The following GGACT variants were observed in gnomAD, a reference collection of about 807,000 sequenced individuals.
The protein encoded by GGACT is gamma-glutamylaminecyclotransferase.
For missense variants in GGACT, 241 were observed against 233.2 expected (o/e 1.03, Z -0.22); for synonymous variants, 118 against 115.3 (o/e 1.02, Z -0.15).
In GGACT at chr13:100,532,237, A is replaced by G; in HGVS notation, c.355T>C (p.Tyr119His). The change falls in exon 3 of 3, where the codon TAC becomes CAC. Residue 119 changes from tyrosine (Y) to histidine (H), a missense_variant. Transcript: ENST00000683975. ...PAPTAVQCFV[Y>H]SRATFPPEWA... ...TCCGGCGGGAAGGTGGCCCTGCTGT[A>G]CACGAAGCACTGCACCGCGGTGGGC... 32 of 1,505,914 alleles carry G rather than the reference A, an allele frequency of 2.1e-5. No individual in the cohort carries two copies. Among genetic ancestry groups the G allele is most frequent in the Non-Finnish European group, 2.9e-5 (32 of 1,120,924 alleles). The allele number at this position is 1,505,914 out of a possible 1,614,324, so 93.3% of individuals were successfully genotyped here. A position where few individuals can be genotyped will look rare whatever the true frequency, so the allele number is the denominator to read the frequency against.
chr13:100,532,325 C>G lies in GGACT; in HGVS notation c.267G>C (p.Gln89His). The change falls in exon 3 of 3, where the codon CAG becomes CAC. Residue 89 changes from glutamine (Q) to histidine (H), a missense_variant. Coordinates refer to ENST00000683975, the MANE Select transcript of GGACT (RefSeq NM_001195087.2). ...GCAGCTGTACCCGCAGCACCGTGCGCTGGTACAGGGCCGGGCAACTCTCGA... is the reference window on the plus strand; with the variant it reads ...GCAGCTGTACCCGCAGCACCGTGCGGTGGTACAGGGCCGGGCAACTCTCGA... ...DDFESCPALY[Q>H]RTVLRVQLLE... 1 of 1,550,016 alleles carries G rather than the reference C, an allele frequency of 6.5e-7. No homozygotes were observed. The highest frequency in any genetic ancestry group is 1.2e-5 in the South Asian group (1 of 84,014).
intron 2 of GGACT, chr13:100,578,966 T>A (rs929750922): frequency 1.3e-5 from 2 of 152,132 alleles, no homozygotes; most frequent in African/African-American, 4.8e-5. Flanking sequence ...ATGTGGTCAT[T>A]TGAAAAATGG....
At chr13:100,544,659 C>A (rs897156596) in intron 2 of GGACT, among the ~76,000 whole-genome samples, 1 of 152,254 alleles carries the variant, frequency 6.6e-6, no homozygotes, top group African/African-American at 2.4e-5. Context: ...CCTGATGCCA[C>A]CCCAGGCCTC....
At chr13:100,565,300 T>C (rs563644238) in intron 2 of GGACT, among the ~76,000 whole-genome samples, 1 of 152,018 alleles carries the variant, frequency 6.6e-6, no homozygotes, top group Admixed American at 6.5e-5. Context: ...AAGATCAGAG[T>C]GTCAAAAGGG....
chr13:100,585,498 TG>T (rs1279189141), intron 1 of GGACT, among the ~76,000 whole-genome samples: 1 of 152,042 alleles, frequency 6.6e-6, no homozygotes, highest in Non-Finnish European at 1.5e-5. Flanking sequence ...CTGAGCACGG[TG>T]GCTCACGGCT....
rs893952369 is a variant in GGACT at position 100,531,397 on chromosome 13, T to C, written c.*733A>G. ...GGGACGGGGTCTGGCTACTGAGATC[T>C]GGGCTCAGATAAACTTCCACTTGAA... On this transcript the variant is annotated 3_prime_UTR_variant, in exon 3 of 3. Transcript: ENST00000683975. 6.6e-6 allele frequency: 1 copy of C among 152,224 alleles called. No homozygotes were observed. Among genetic ancestry groups the C allele is most frequent in the Non-Finnish European group, 1.5e-5 (1 of 68,050 alleles). The allele number at this position is 152,224 out of a possible 1,614,324, so 9.4% of individuals were successfully genotyped here.
chr13:100,534,335 G>A lies in GGACT; in HGVS notation c.-10-1734C>T, dbSNP rs1442216146. 6.6e-6 allele frequency among the ~76,000 whole-genome samples: 1 copy of A among 152,218 alleles called. No homozygotes were observed. Among genetic ancestry groups the A allele is most frequent in the Non-Finnish European group, 1.5e-5 (1 of 68,042 alleles). On this transcript the variant is annotated intron_variant, in intron 2 of 2. Coordinates refer to ENST00000683975, the MANE Select transcript of GGACT (RefSeq NM_001195087.2). The surrounding 1 kb of genome is among the most constrained non-coding windows in gnomAD (Gnocchi z 4.9). ...ATAGCCCTGGGACACCCTTCCCAGTGTGGGGACACAGATTAGACCTGGGGG... is the reference window on the plus strand; with the variant it reads ...ATAGCCCTGGGACACCCTTCCCAGTATGGGGACACAGATTAGACCTGGGGG...
At chr13:100,566,089 C>G (rs2088808220) in intron 2 of GGACT, among the ~76,000 whole-genome samples, 1 of 152,214 alleles carries the variant, frequency 6.6e-6, no homozygotes, top group South Asian at 2.1e-4. Context: ...GGGAAGTGAG[C>G]TCCAGGTCTC....
chr13:100,544,106 A>T (rs2088581670), intron 2 of GGACT, among the ~76,000 whole-genome samples: 1 of 152,126 alleles, frequency 6.6e-6, no homozygotes, highest in South Asian at 2.1e-4. Context: ...TCCCCTAGAG[A>T]GGGTTTTTCT....
intron 2 of GGACT, among the ~76,000 whole-genome samples, chr13:100,558,789 C>T (rs752810724): frequency 1.3e-5 from 2 of 151,958 alleles, no homozygotes; most frequent in African/African-American, 2.4e-5. Context: ...AAAACCTGAC[C>T]TCCTAGGAGC....
chr13:100,550,299 TACACACACACAC>T (rs755235689), intron 2 of GGACT, among the ~76,000 whole-genome samples: 1,878 of 27,044 alleles, frequency 0.069, 125 homozygotes, highest in Non-Finnish European at 0.1. Context: ...GATTATACTC[TACACACACACAC>T]ACACACACAC....
intron 2 of GGACT, among the ~76,000 whole-genome samples, chr13:100,562,590 G>T (rs2088773095): frequency 6.6e-6 from 1 of 152,120 alleles, no homozygotes; most frequent in Non-Finnish European, 1.5e-5. Context: ...GAGGTCACGA[G>T]TTTGAGACCA....
intron 1 of GGACT, among the ~76,000 whole-genome samples, chr13:100,587,869 C>T (rs1172711181): frequency 6.6e-6 from 1 of 152,036 alleles, no homozygotes; most frequent in South Asian, 2.1e-4. Flanking sequence ...CTACTAAAAA[C>T]ACAAAAATAA....
At chr13:100,576,611 TACAC>T (rs1875254053) in intron 2 of GGACT, among the ~76,000 whole-genome samples, 1 of 152,214 alleles carries the variant, frequency 6.6e-6, no homozygotes, top group African/African-American at 2.4e-5. Flanking sequence ...AGAAAGGACA[TACAC>T]ACAAACAAAT....
intron 2 of GGACT, among the ~76,000 whole-genome samples, chr13:100,555,095 A>G (rs1214420323): frequency 6.6e-6 from 1 of 152,254 alleles, no homozygotes; most frequent in Non-Finnish European, 1.5e-5. Context: ...TCTATTGAAC[A>G]CTTAAGGAAG....
At position 100,530,636 on chromosome 13, in the gene GGACT, C is replaced by G; in HGVS notation, c.*1494G>C. The G allele has an allele frequency of 1.6e-5, 4 of 247,336 alleles. No individual in the cohort carries two copies. In the South Asian group the frequency reaches 2.0e-4, roughly 12 times the overall value. The allele number at this position is 247,336 out of a possible 1,614,324, so 15.3% of individuals were successfully genotyped here. ...ACTTCTAGAAGTGAGGCCCTCACTC[C>G]TGGTGCTGATTTTCAAAACTTCCTA... On this transcript the variant is annotated 3_prime_UTR_variant, in exon 3 of 3. Coordinates refer to ENST00000683975, the MANE Select transcript of GGACT (RefSeq NM_001195087.2).
intron 2 of GGACT, among the ~76,000 whole-genome samples, chr13:100,567,487 C>T (rs1874931558): frequency 6.6e-6 from 1 of 152,166 alleles, no homozygotes; most frequent in Non-Finnish European, 1.5e-5. Flanking sequence ...TTAGACTTTC[C>T]CTGTCCCAGC....
At chr13:100,563,416 C>T (rs930615880) in intron 2 of GGACT, among the ~76,000 whole-genome samples, 1 of 152,154 alleles carries the variant, frequency 6.6e-6, no homozygotes, top group African/African-American at 2.4e-5. Flanking sequence ...AATCACATAA[C>T]ATTATGTACT....
chr13:100,555,534 T>G (rs1362659097), intron 2 of GGACT, among the ~76,000 whole-genome samples: 4 of 151,804 alleles, frequency 2.6e-5, no homozygotes, highest in Non-Finnish European at 5.9e-5. Context: ...CATCTCAGGT[T>G]TTTTTTAAAA....
Sources: gnomAD v4.1 joint callset for allele counts (sites outside exome capture counted in the v4.1 genomes callset) on GRCh38, gnomAD v4.1.1 for gene constraint, Gnocchi (gnomAD v3.1) non-coding constraint, MANE v1.5 for transcripts, NCBI Gene and HGNC (gene_info 2026-07-23, HGNC 2026-07-21) for gene names.